CYSLTR2: variants seen among roughly 807,000 people sequenced by gnomAD.
The protein encoded by CYSLTR2 is cysteinyl leukotriene receptor 2.
For missense variants in CYSLTR2, 398 were observed against 411.9 expected (o/e 0.97, Z 0.29); for synonymous variants, 179 against 160.8 (o/e 1.11, Z -0.86).
At position 48,669,418 on chromosome 13, in the gene CYSLTR2, C is replaced by G. The variant is rs138304088; in HGVS notation, c.-266+15401C>G. On this transcript the variant is annotated intron_variant, in intron 1 of 4. Transcript: ENST00000682523. Reference sequence around the variant, plus strand: ...CATTAGGTATTTCTCCTAATGCTATCCCTCCCCTAGCCTCCCACCCCCTGA... The same window carrying G: ...CATTAGGTATTTCTCCTAATGCTATGCCTCCCCTAGCCTCCCACCCCCTGA... 2.8e-3 allele frequency among the ~76,000 whole-genome samples: 420 copies of G among 152,202 alleles called. 4 individuals carry two copies. The highest frequency in any genetic ancestry group is 9.5e-3 in the African/African-American group (395 of 41,534).
chr13:48,698,939 T>C (rs2138975108), intron 4 of CYSLTR2, among the ~76,000 whole-genome samples: 1 of 152,270 alleles, frequency 6.6e-6, no homozygotes, highest in South Asian at 2.1e-4. Context: ...TGCTACATAA[T>C]GGTAAAGGGA....
chr13:48,706,585 A>G (rs183074829), intron 4 of CYSLTR2: 24 of 460,464 alleles, frequency 5.2e-5, no homozygotes, highest in African/African-American at 4.1e-4. Flanking sequence ...GTCAGCTTCA[A>G]CCAAACAAAT....
intron 4 of CYSLTR2, 37 bp from the exon 5 acceptor site, chr13:48,706,780 C>G (rs549566576): frequency 1.4e-5 from 21 of 1,526,810 alleles, no homozygotes; most frequent in Middle Eastern, 3.5e-4. Flanking sequence ...GGGAAATTCA[C>G]AAAGTAACTT....
intron 1 of CYSLTR2, among the ~76,000 whole-genome samples, chr13:48,669,957 A>G (rs1001764869): frequency 1.2e-4 from 18 of 152,214 alleles, no homozygotes; most frequent in African/African-American, 4.3e-4. Flanking sequence ...CTGACTTTTC[A>G]ATGATCGCCA....
chr13:48,700,920 A>G (rs1023905312), intron 4 of CYSLTR2, among the ~76,000 whole-genome samples: 9 of 152,168 alleles, frequency 5.9e-5, no homozygotes, highest in Non-Finnish European at 1.0e-4. Context: ...CTTCAAAGAG[A>G]ATAAAATACC....
At chr13:48,683,908 T>A (rs1011709840) in intron 1 of CYSLTR2, among the ~76,000 whole-genome samples, 1 of 152,174 alleles carries the variant, frequency 6.6e-6, no homozygotes, top group Admixed American at 6.5e-5. Context: ...CAGTTCATAA[T>A]CCATAGTCAC....
chr13:48,679,200 C>G (rs1387662438), intron 1 of CYSLTR2, among the ~76,000 whole-genome samples: 1 of 152,012 alleles, frequency 6.6e-6, no homozygotes, highest in African/African-American at 2.4e-5. Context: ...AGTCCCTGTC[C>G]CTCTCTCCTT....
At chr13:48,691,089 A>G (rs531079229) in intron 1 of CYSLTR2, 123 bp from the exon 2 acceptor site, 2 of 152,140 alleles carry the variant, frequency 1.3e-5, no homozygotes, top group South Asian at 4.1e-4. Context: ...CTTATTTTAT[A>G]TCTAGGTAAA....
intron 1 of CYSLTR2, among the ~76,000 whole-genome samples, chr13:48,681,459 C>T (rs933586724): frequency 3.9e-5 from 6 of 152,170 alleles, no homozygotes; most frequent in African/African-American, 1.2e-4. Context: ...TCTCCTTGCA[C>T]TGTGGCCTGG....
intron 1 of CYSLTR2, among the ~76,000 whole-genome samples, chr13:48,662,145 A>C (rs565568957): frequency 6.6e-6 from 1 of 152,304 alleles, no homozygotes; most frequent in African/African-American, 2.4e-5. Flanking sequence ...ACTTAACATA[A>C]TGTCCTCCAT....
At chr13:48,656,866 A>G (rs1953010946) in intron 1 of CYSLTR2, among the ~76,000 whole-genome samples, 1 of 152,238 alleles carries the variant, frequency 6.6e-6, no homozygotes, top group African/African-American at 2.4e-5. Context: ...TGGATAATAC[A>G]AAGAAAGGCA....
chr13:48,662,679 C>T (rs1953160628), intron 1 of CYSLTR2, among the ~76,000 whole-genome samples: 1 of 152,076 alleles, frequency 6.6e-6, no homozygotes, highest in Non-Finnish European at 1.5e-5. Flanking sequence ...CTGTTTAAAT[C>T]ATTTACCCAT....
At chr13:48,655,393 C>G (rs1952976086) in intron 1 of CYSLTR2, among the ~76,000 whole-genome samples, 1 of 152,214 alleles carries the variant, frequency 6.6e-6, no homozygotes, top group Admixed American at 6.5e-5. Flanking sequence ...TCAGGAGCCA[C>G]ATAGACATGG....
intron 2 of CYSLTR2, 55 bp from the exon 3 acceptor site, chr13:48,693,383 T>A (rs527578990): frequency 1.8e-4 from 27 of 152,248 alleles, no homozygotes; most frequent in African/African-American, 5.8e-4. Context: ...AAATATACTG[T>A]TTGTGCCCAC....
At chr13:48,659,704 G>T (rs994715147) in intron 1 of CYSLTR2, among the ~76,000 whole-genome samples, 4 of 152,144 alleles carry the variant, frequency 2.6e-5, no homozygotes, top group African/African-American at 4.8e-5. Context: ...ATGTTTCTAT[G>T]ATAACACTTG....
At chr13:48,702,384 C>T (rs575885480) in intron 4 of CYSLTR2, among the ~76,000 whole-genome samples, 15 of 152,026 alleles carry the variant, frequency 9.9e-5, no homozygotes, top group East Asian at 1.9e-4. Context: ...GTTGTGCACA[C>T]GTACCCTAGA....
At position 48,695,068 on chromosome 13, in the gene CYSLTR2, A is replaced by ATTTTTTTTTTTTTTTTTTTTTTT. The variant is rs869282546; in HGVS notation, c.-102-1454_-102-1432dup. ...AGACCATGGTATATCAGAACCTGGCATTTTTTTTTTTTTTTTTTTTTTTTT... is the reference window on the plus strand; with the variant it reads ...AGACCATGGTATATCAGAACCTGGCATTTTTTTTTTTTTTTTTTTTTTTTTTTTTTTTTTTTTTTTTTTTTTTT... On this transcript the variant is annotated intron_variant, in intron 3 of 4. Transcript: ENST00000682523. Among the ~76,000 whole-genome samples the ATTTTTTTTTTTTTTTTTTTTTTT allele has an allele frequency of 1.3e-4, 9 of 71,618 alleles. 2 individuals carry two copies. The highest frequency in any genetic ancestry group is 4.9e-4 in the African/African-American group (8 of 16,280). 47.0% of individuals were successfully genotyped at this position (71,618 alleles called of 152,430 possible).
chr13:48,670,058 T>A (rs1423824178), intron 1 of CYSLTR2, among the ~76,000 whole-genome samples: 1 of 152,276 alleles, frequency 6.6e-6, no homozygotes, highest in African/African-American at 2.4e-5. Context: ...ATATGTTTGT[T>A]GGCCGCATAA....
chr13:48,685,673 C>G (rs1331837669), intron 1 of CYSLTR2, among the ~76,000 whole-genome samples: 1 of 152,136 alleles, frequency 6.6e-6, no homozygotes, highest in East Asian at 1.9e-4. Flanking sequence ...TTCCTTTACT[C>G]CCTTGCTGGT....
Sources: gnomAD v4.1 joint callset for allele counts (sites outside exome capture counted in the v4.1 genomes callset) on GRCh38, gnomAD v4.1.1 for gene constraint, MANE v1.5 for transcripts, NCBI Gene and HGNC (gene_info 2026-07-23, HGNC 2026-07-21) for gene names.